Variants in RBM33 observed in about 807,000 individuals in gnomAD.
The protein encoded by RBM33 is RNA binding motif protein 33.
RBM33 carries 28 observed loss-of-function variants against 132.6 expected under a neutral mutation model. The observed-to-expected ratio is 0.21, with a 90% CI of 0.16 to 0.29. The LOEUF (loss-of-function observed/expected upper bound fraction) is 0.29, where lower values mean the gene tolerates loss of function less well. RBM33 is among the 10% of genes least tolerant of loss of function. The probability of loss-of-function intolerance (pLI) is 1.00; values close to 1 mark genes in which losing one functional copy is unlikely to be tolerated. For missense variants in RBM33, 1,291 were observed against 1,518.5 expected, an observed-to-expected ratio of 0.85 and a Z score of 2.49; for synonymous variants, 634 against 593.0, an observed-to-expected ratio of 1.07 and a Z score of -1.01.
intron 14 of RBM33, among the ~76,000 whole-genome samples, chr7:155,756,526 G>GT (rs1801856536): frequency 1.3e-5 from 2 of 152,194 alleles, no homozygotes; most frequent in African/African-American, 4.8e-5. Flanking sequence ...TGAAAGCGTT[G>GT]TTTCCACATT....
chr7:155,773,939 GT>G (rs1802522506), intron 16 of RBM33, among the ~76,000 whole-genome samples: 1 of 152,192 alleles, frequency 6.6e-6, no homozygotes, highest in Non-Finnish European at 1.5e-5. Flanking sequence ...CACTGGCATT[GT>G]TTTAGGCCAG....
At chr7:155,659,492 C>A (rs1175645585) in intron 1 of RBM33, among the ~76,000 whole-genome samples, 4 of 151,806 alleles carry the variant, frequency 2.6e-5, no homozygotes, top group Admixed American at 2.6e-4. Context: ...CAGATTTGAG[C>A]AAGCAGAAGA....
chr7:155,742,080 AAAG>A lies in RBM33; in HGVS notation c.2316_2318del (p.Glu773del). ...GCCAGCTAGCCCTGTGGCTCAACCT[AAAG>A]AAGAGGCAAAAACAGAAACAGAGGT... On this transcript the variant is annotated inframe_deletion, in exon 13 of 18. Transcript: ENST00000401878. The A allele has an allele frequency of 1.2e-6, 2 of 1,613,588 alleles. No homozygotes were observed. The highest frequency in any genetic ancestry group is 1.7e-6 in the Non-Finnish European group (2 of 1,179,576).
intron 7 of RBM33, among the ~76,000 whole-genome samples, chr7:155,708,728 AAT>A (rs1212415936): frequency 6.6e-6 from 1 of 152,210 alleles, no homozygotes; most frequent in African/African-American, 2.4e-5. Flanking sequence ...CTTTGTAAGC[AAT>A]AGTCTCGTCT....
At chr7:155,770,115 C>T (rs537960380) in intron 16 of RBM33, among the ~76,000 whole-genome samples, 1 of 152,308 alleles carries the variant, frequency 6.6e-6, no homozygotes, top group African/African-American at 2.4e-5. Flanking sequence ...AGGAGCAACG[C>T]GCCCGGGATG....
At chr7:155,690,223 A>G (rs187142119) in intron 5 of RBM33, among the ~76,000 whole-genome samples, 4 of 152,286 alleles carry the variant, frequency 2.6e-5, no homozygotes, top group Non-Finnish European at 4.4e-5. Context: ...ACCATTATGT[A>G]ATGCCCTTCT....
intron 16 of RBM33, among the ~76,000 whole-genome samples, chr7:155,770,409 A>C (rs1802381909): frequency 6.6e-6 from 1 of 152,132 alleles, no homozygotes; most frequent in African/African-American, 2.4e-5. Flanking sequence ...TTCCATACAG[A>C]AATGCTTAGC....
chr7:155,718,273 T>G (rs2116990287), intron 8 of RBM33, 112 bp from the exon 9 acceptor site: 1 of 779,498 alleles, frequency 1.3e-6, no homozygotes, highest in South Asian at 1.6e-5. Context: ...GCACAATGTA[T>G]TATATGTCTG....
At chr7:155,726,736 ACTT>A (rs1397483776) in intron 9 of RBM33, among the ~76,000 whole-genome samples, 2 of 152,228 alleles carry the variant, frequency 1.3e-5, no homozygotes, top group African/African-American at 2.4e-5. Flanking sequence ...CATCAGTAGA[ACTT>A]CTTATGAATG....
chr7:155,673,251 A>G (rs953757635), intron 3 of RBM33, among the ~76,000 whole-genome samples: 7 of 152,130 alleles, frequency 4.6e-5, no homozygotes, highest in Non-Finnish European at 1.0e-4. Flanking sequence ...CTTGTTCTGG[A>G]TTTCACTTTT....
chr7:155,679,241 G>T (rs1799271493), intron 4 of RBM33, among the ~76,000 whole-genome samples: 1 of 152,122 alleles, frequency 6.6e-6, no homozygotes, highest in Non-Finnish European at 1.5e-5. Context: ...GTTCTGTTCA[G>T]TGCAGGTTAT....
chr7:155,727,501 A>G (rs1328606451), intron 9 of RBM33, among the ~76,000 whole-genome samples: 1 of 152,162 alleles, frequency 6.6e-6, no homozygotes, highest in African/African-American at 2.4e-5. Flanking sequence ...GGAAAGAGAA[A>G]AGTGCCACTT....
intron 1 of RBM33, among the ~76,000 whole-genome samples, chr7:155,661,933 T>C (rs970715376): frequency 2.0e-5 from 3 of 152,202 alleles, no homozygotes; most frequent in African/African-American, 7.2e-5. Flanking sequence ...TATCTTGTAA[T>C]TTTTTGTTGA....
chr7:155,731,664 A>G (rs998980906), intron 9 of RBM33, among the ~76,000 whole-genome samples: 1 of 152,208 alleles, frequency 6.6e-6, no homozygotes, highest in Non-Finnish European at 1.5e-5. Flanking sequence ...AGAAAGGTGT[A>G]TGGTGTAAAA....
chr7:155,755,173 G>A (rs1801809681), intron 14 of RBM33, among the ~76,000 whole-genome samples: 1 of 152,192 alleles, frequency 6.6e-6, no homozygotes, highest in Non-Finnish European at 1.5e-5. Context: ...GTAGTTAATA[G>A]AAACCTGTTC....
At chr7:155,673,579 C>CGT (rs1355345303) in intron 3 of RBM33, among the ~76,000 whole-genome samples, 1 of 83,188 alleles carries the variant, frequency 1.2e-5, no homozygotes, top group Non-Finnish European at 2.3e-5. Flanking sequence ...TACATACACA[C>CGT]GTGTATATAT....
At chr7:155,673,768 GCACACACACA>G (rs369116329) in intron 3 of RBM33, among the ~76,000 whole-genome samples, 2 of 132,980 alleles carry the variant, frequency 1.5e-5, no homozygotes, top group Admixed American at 7.2e-5. Context: ...GCGCATGCGC[GCACACACACA>G]CACACACACA....
chr7:155,719,193 A>G lies in RBM33; in HGVS notation c.1260+750A>G, dbSNP rs369296106. ...AGAGAGTACATTTTTTTTTTTAAAC[A>G]GTGTAGGGGAAAAAATGTACTGACC... On this transcript the variant is annotated intron_variant, in intron 9 of 17. Coordinates refer to ENST00000401878, the MANE Select transcript of RBM33 (RefSeq NM_053043.3). Among the ~76,000 whole-genome samples, 3 of 151,684 alleles carry G rather than the reference A, an allele frequency of 2.0e-5. No homozygotes were observed. In the East Asian group the frequency reaches 5.8e-4, roughly 29 times the overall value.
chr7:155,708,875 T>A (rs1800194589), intron 7 of RBM33, among the ~76,000 whole-genome samples: 1 of 152,088 alleles, frequency 6.6e-6, no homozygotes, highest in Admixed American at 6.5e-5. Context: ...ACCCCCAAAG[T>A]TTTGGAAAGA....
Sources: allele counts gnomAD v4.1 joint callset (sites outside exome capture counted in the v4.1 genomes callset), GRCh38; gene constraint gnomAD v4.1.1; transcripts MANE v1.5; gene names NCBI Gene and HGNC (gene_info 2026-07-23, HGNC 2026-07-21).